ZNF521: variants seen among roughly 807,000 people sequenced by gnomAD.
ZNF521 encodes the protein zinc finger protein 521.
Under a neutral mutation model 105.5 loss-of-function variants are expected in ZNF521, and 14 were observed. The observed-to-expected ratio is 0.13, with a 90% CI of 0.09 to 0.21. ZNF521 has a LOEUF of 0.21. ZNF521 is among the 10% of genes least tolerant of loss of function. The pLI, the probability that ZNF521 is intolerant of heterozygous loss-of-function variation, is 1.00. For synonymous variants in ZNF521, 635 were observed against 606.0 expected, an observed-to-expected ratio of 1.05 and a Z score of -0.70; for missense variants, 1,233 against 1,629.7, an observed-to-expected ratio of 0.76 and a Z score of 4.19.
intron 4 of ZNF521, among the ~76,000 whole-genome samples, chr18:25,196,103 G>A (rs985928457): frequency 2.6e-5 from 4 of 151,692 alleles, no homozygotes; most frequent in Admixed American, 6.6e-5. Flanking sequence ...AATAAATAGA[G>A]TATTAGCTGT....
At chr18:25,118,966 A>G (rs34963938) in intron 5 of ZNF521, among the ~76,000 whole-genome samples, 7,497 of 152,188 alleles carry the variant, frequency 0.049, 313 homozygotes, top group East Asian at 0.12. Context: ...TGAGAATGCT[A>G]GAGGGGCTAT....
At chr18:25,109,733 C>T (rs2034146929) in intron 5 of ZNF521, among the ~76,000 whole-genome samples, 1 of 152,094 alleles carries the variant, frequency 6.6e-6, no homozygotes, top group African/African-American at 2.4e-5. Context: ...GTTTCCTGGC[C>T]ACTTGTATGT....
intron 7 of ZNF521, among the ~76,000 whole-genome samples, chr18:25,065,238 G>C (rs572965604): frequency 6.6e-6 from 1 of 151,980 alleles, no homozygotes. Context: ...AATACAGATC[G>C]AGCACCTCCA....
intron 5 of ZNF521, among the ~76,000 whole-genome samples, chr18:25,141,112 A>T (rs2034839357): frequency 6.6e-6 from 1 of 152,146 alleles, no homozygotes; most frequent in Non-Finnish European, 1.5e-5. Context: ...TAACAATGAC[A>T]AGTGCCTCCA....
chr18:25,066,208 G>C (rs1448025304), intron 7 of ZNF521, among the ~76,000 whole-genome samples: 1 of 152,140 alleles, frequency 6.6e-6, no homozygotes, highest in African/African-American at 2.4e-5. Flanking sequence ...AGGCCTGGCT[G>C]TCCACCATTG....
At chr18:25,330,443 C>T (rs879103262) in intron 2 of ZNF521, among the ~76,000 whole-genome samples, 6 of 152,148 alleles carry the variant, frequency 3.9e-5, no homozygotes, top group African/African-American at 1.2e-4. Flanking sequence ...GGATTACAGG[C>T]GTGAGCCACC....
chr18:25,133,423 C>T (rs903477240), intron 5 of ZNF521, among the ~76,000 whole-genome samples: 6 of 152,118 alleles, frequency 3.9e-5, no homozygotes, highest in African/African-American at 1.4e-4. Flanking sequence ...TTAATTCTGG[C>T]AAGAAGTAAC....
intron 2 of ZNF521, among the ~76,000 whole-genome samples, chr18:25,333,014 T>G (rs1274280908): frequency 1.3e-5 from 2 of 152,040 alleles, no homozygotes; most frequent in Non-Finnish European, 2.9e-5. Context: ...GACCACATAT[T>G]ATATATTTGT....
At chr18:25,291,522 C>T (rs948821493) in intron 3 of ZNF521, among the ~76,000 whole-genome samples, 1 of 152,062 alleles carries the variant, frequency 6.6e-6, no homozygotes, top group Non-Finnish European at 1.5e-5. Context: ...ATTACAATAA[C>T]GTATACTTAA....
At chr18:25,266,682 TGAGG>T (rs949816980) in intron 3 of ZNF521, among the ~76,000 whole-genome samples, 2 of 152,028 alleles carry the variant, frequency 1.3e-5, no homozygotes, top group African/African-American at 4.8e-5. Context: ...AGGGAAGATG[TGAGG>T]GACTGTACCA....
intron 2 of ZNF521, among the ~76,000 whole-genome samples, chr18:25,348,258 C>T (rs1170831148): frequency 6.6e-6 from 1 of 152,134 alleles, no homozygotes; most frequent in African/African-American, 2.4e-5. Context: ...ATATAATGGA[C>T]AATCCGCATA....
intron 5 of ZNF521, among the ~76,000 whole-genome samples, chr18:25,126,336 C>T (rs7242101): frequency 1.9e-3 from 285 of 151,222 alleles, no homozygotes; most frequent in African/African-American, 6.5e-3. Context: ...ACATTCTACA[C>T]AGTAATATTA....
chr18:25,101,865 T>A (rs2033971468), intron 5 of ZNF521, among the ~76,000 whole-genome samples: 1 of 152,160 alleles, frequency 6.6e-6, no homozygotes, highest in Non-Finnish European at 1.5e-5. Context: ...TAATGATAAA[T>A]GAATTTCTTT....
At chr18:25,150,959 G>A (rs2035037252) in intron 5 of ZNF521, among the ~76,000 whole-genome samples, 1 of 150,122 alleles carries the variant, frequency 6.7e-6, no homozygotes, top group African/African-American at 2.5e-5. Flanking sequence ...TGTGATCACG[G>A]CTCACTGTAG....
At chr18:25,345,321 G>A (rs1035944120) in intron 2 of ZNF521, 4 of 152,298 alleles carry the variant, frequency 2.6e-5, no homozygotes, top group Admixed American at 2.6e-4. Context: ...GATAACTACA[G>A]TGGTTTTTAA....
At chr18:25,082,700 G>T in intron 7 of ZNF521, 1 of 415,028 alleles carries the variant, frequency 2.4e-6, no homozygotes, top group South Asian at 1.8e-5. Flanking sequence ...AAATTAGCTG[G>T]GTGTGGCAGT....
intron 2 of ZNF521, among the ~76,000 whole-genome samples, chr18:25,331,031 G>T (rs1219438631): frequency 6.6e-6 from 1 of 151,994 alleles, no homozygotes; most frequent in Admixed American, 6.6e-5. Flanking sequence ...TTTTTATTTT[G>T]TTTTGCTTTG....
At chr18:25,197,510 C>T (rs1022673507) in intron 4 of ZNF521, among the ~76,000 whole-genome samples, 3 of 151,672 alleles carry the variant, frequency 2.0e-5, no homozygotes, top group South Asian at 2.1e-4. Flanking sequence ...ATAGATTATT[C>T]GCAAAATATT....
chr18:25,253,864 G>A (rs9961453), intron 3 of ZNF521, among the ~76,000 whole-genome samples: 1 of 151,998 alleles, frequency 6.6e-6, no homozygotes, highest in Non-Finnish European at 1.5e-5. Flanking sequence ...TAGCAGATGT[G>A]GGGGGGAACT....
Sources: allele counts gnomAD v4.1 joint callset (sites outside exome capture counted in the v4.1 genomes callset), GRCh38; gene constraint gnomAD v4.1.1; transcripts MANE v1.5; gene names NCBI Gene and HGNC (gene_info 2026-07-23, HGNC 2026-07-21).